The following DYSF variants were observed in gnomAD, a reference collection of about 807,000 sequenced individuals.
The protein encoded by DYSF is dystrophy-associated fer-1-like 1.
DYSF carries 212 observed loss-of-function variants against 274.9 expected under a neutral mutation model. The observed-to-expected ratio is 0.77, with a 90% CI of 0.69 to 0.86. DYSF has a LOEUF of 0.86. Among genes scored for constraint, DYSF ranks in the 40% least tolerant of loss-of-function variants. The probability of loss-of-function intolerance (pLI) is 0.00; values close to 1 mark genes in which losing one functional copy is unlikely to be tolerated. For synonymous variants in DYSF, 1,091 were observed against 1,078.7 expected, an observed-to-expected ratio of 1.01 and a Z score of -0.22; for missense variants, 2,666 against 2,783.2, an observed-to-expected ratio of 0.96 and a Z score of 0.95.
At chr2:71,622,140 T>TTTTTTTTTTTTTTTTTTTTTTTC (rs2094121724) in intron 41 of DYSF, among the ~76,000 whole-genome samples, 1 of 148,788 alleles carries the variant, frequency 6.7e-6, no homozygotes, top group Non-Finnish European at 1.5e-5. Flanking sequence ...GTTTTTTTTT[T>TTTTTTTTTTTTTTTTTTTTTTTC]TTTTTTGTTA....
intron 50 of DYSF, 79 bp from the exon 51 acceptor site, chr2:71,669,526 T>C: frequency 6.4e-7 from 1 of 1,572,574 alleles, no homozygotes; most frequent in African/African-American, 1.3e-5. Context: ...TCTTAACTCC[T>C]TGTCTGCCTA....
chr2:71,623,768 T>C (rs545725173), intron 41 of DYSF, among the ~76,000 whole-genome samples: 16 of 152,080 alleles, frequency 1.1e-4, no homozygotes, highest in Admixed American at 2.0e-4. Context: ...TATTCATCAC[T>C]TAAAAAAAAA....
chr2:71,508,781 T>G (rs1322481007), intron 4 of DYSF, among the ~76,000 whole-genome samples: 2 of 152,220 alleles, frequency 1.3e-5, no homozygotes, highest in Non-Finnish European at 2.9e-5. Context: ...ATGTCAGAAT[T>G]TTGTGACTTT....
rs549987810 is a variant in DYSF at position 71,618,855 on chromosome 2, G to T, written c.4465-1692G>T. On this transcript the variant is annotated intron_variant, in intron 40 of 55. Transcript: ENST00000410020. ...AGTGTGCAGGAGGCCTCGGGAGACT[G>T]TTTCCTCACTCTGTCGGGTGGGTGC... is the stretch of plus-strand genomic sequence containing the variant. Among the ~76,000 whole-genome samples, 317 of 151,998 alleles carry T rather than the reference G, an allele frequency of 2.1e-3. 1 individual carries two copies. The highest frequency in any genetic ancestry group is 3.4e-3 in the Non-Finnish European group (231 of 67,928).
chr2:71,553,724 C>A, intron 20 of DYSF, 83 bp from the exon 21 acceptor site: 1 of 1,157,008 alleles, frequency 8.6e-7, no homozygotes, highest in South Asian at 1.3e-5. Context: ...CCCTGGAGTG[C>A]CCAGGAGGCT....
intron 17 of DYSF, among the ~76,000 whole-genome samples, chr2:71,547,192 G>A (rs574401487): frequency 4.0e-4 from 61 of 152,352 alleles, no homozygotes; most frequent in African/African-American, 1.4e-3. Flanking sequence ...GCAGACACAG[G>A]GGCGAGAGCC....
At chr2:71,513,191 C>A in intron 5 of DYSF, 49 bp from the exon 6 acceptor site, 1 of 1,536,776 alleles carries the variant, frequency 6.5e-7, no homozygotes, top group Non-Finnish European at 8.8e-7. Context: ...TTTCCTTCAC[C>A]CCAACCTCCT....
At chr2:71,544,691 C>T (rs536915053) in intron 17 of DYSF, among the ~76,000 whole-genome samples, 1 of 152,088 alleles carries the variant, frequency 6.6e-6, no homozygotes, top group African/African-American at 2.4e-5. Flanking sequence ...GAACTCCTGA[C>T]CTGAGGTGAT....
At chr2:71,517,250 T>A (rs2086757601) in intron 10 of DYSF, among the ~76,000 whole-genome samples, 1 of 152,196 alleles carries the variant, frequency 6.6e-6, no homozygotes, top group Non-Finnish European at 1.5e-5. Context: ...AAGCACTTTT[T>A]GTCACTGAAG....
intron 16 of DYSF, among the ~76,000 whole-genome samples, chr2:71,537,227 T>TG (rs56733902): frequency 5.5e-4 from 69 of 125,714 alleles, no homozygotes; most frequent in Middle Eastern, 7.6e-3. Flanking sequence ...AGTTTTGTTT[T>TG]TTTTTTTTTT....
chr2:71,519,176 C>T (rs1175272164), intron 10 of DYSF, among the ~76,000 whole-genome samples: 4 of 146,918 alleles, frequency 2.7e-5, no homozygotes, highest in South Asian at 2.2e-4. Context: ...TTTGTCTTTG[C>T]GCTGTCTTCT....
Position 71,659,012 on chromosome 2 carries a change from G to A in DYSF, c.4890G>A (p.Gln1630=). 6.2e-7 allele frequency: 1 copy of A among 1,614,202 alleles called. No individual in the cohort carries two copies. The highest frequency in any genetic ancestry group is 8.5e-7 in the Non-Finnish European group (1 of 1,180,042). ...RIYIVRAFGL[Q]PKDPNGKCDP... is the part of the protein sequence containing the mutation. ...ACATTGTCCGAGCATTTGGCCTGCA[G>A]CCCAAGGACCCCAATGGAAAGGTAA... The change falls in exon 44 of 56, where the codon CAG becomes CAA. Residue 1630 remains glutamine, a synonymous_variant. Transcript: ENST00000410020.
rs554192691 is a variant in DYSF, at chr2:71,520,761, G to T, written c.1034-28G>T. ...ACAGCCTGGGGTCTTCTGATTCTGG[G>T]ATCACCAGAGGATGTTGTCTCTCTT... On this transcript the variant is annotated intron_variant, in intron 11 of 55. Coordinates refer to ENST00000410020, the MANE Select transcript of DYSF (RefSeq NM_001130987.2). The T allele has an allele frequency of 1.4e-4, 223 of 1,606,004 alleles. 1 individual carries two copies. The South Asian group carries it at 2.2e-3, about 16-fold the overall frequency.
intron 30 of DYSF, among the ~76,000 whole-genome samples, chr2:71,576,076 C>T (rs562786978): frequency 5.9e-5 from 9 of 152,352 alleles, no homozygotes; most frequent in South Asian, 2.1e-4. Flanking sequence ...GTGAAGTCTT[C>T]GGCATGACTG....
chr2:71,501,216 T>G (rs1198903723), intron 3 of DYSF, among the ~76,000 whole-genome samples: 2 of 152,098 alleles, frequency 1.3e-5, no homozygotes, highest in South Asian at 4.1e-4. Flanking sequence ...TGAATATTAG[T>G]GAATATCTCT....
chr2:71,560,833 T>TA (rs1196356626), intron 22 of DYSF, among the ~76,000 whole-genome samples: 2 of 151,802 alleles, frequency 1.3e-5, no homozygotes, highest in Non-Finnish European at 2.9e-5. Flanking sequence ...CGGGTTTGAC[T>TA]AATGTCCTGT....
Position 71,664,257 on chromosome 2 carries a change from C to A in DYSF, c.5004-11C>A, listed in dbSNP as rs2094956070. On this transcript the variant is annotated splice_polypyrimidine_tract_variant and intron_variant, in intron 45 of 55. Coordinates refer to ENST00000410020, the MANE Select transcript of DYSF (RefSeq NM_001130987.2). Reference sequence around the variant, plus strand: ...GTGTTGGCTGACATCGGGAATCTGCCCCTCCTGCAGGATGTTCGAGCTGAC... The same window carrying A: ...GTGTTGGCTGACATCGGGAATCTGCACCTCCTGCAGGATGTTCGAGCTGAC... The A allele has an allele frequency of 6.2e-7, 1 of 1,613,892 alleles. No homozygotes were observed. Among genetic ancestry groups the A allele is most frequent in the Non-Finnish European group, 8.5e-7 (1 of 1,179,908 alleles).
chr2:71,571,394 A>C (rs1295202071), intron 29 of DYSF, among the ~76,000 whole-genome samples: 1 of 142,756 alleles, frequency 7.0e-6, no homozygotes, highest in Non-Finnish European at 1.5e-5. Flanking sequence ...GTCAGCACAC[A>C]CAGATCACAC....
At chr2:71,479,046 CGA>C (rs371053360) in intron 1 of DYSF, among the ~76,000 whole-genome samples, 330 of 151,936 alleles carry the variant, frequency 2.2e-3, no homozygotes, top group Middle Eastern at 6.8e-3. Flanking sequence ...GCCAGAGGCT[CGA>C]GGGACTTTCG....
Sources: gnomAD v4.1 joint callset for allele counts (sites outside exome capture counted in the v4.1 genomes callset) on GRCh38, gnomAD v4.1.1 for gene constraint, MANE v1.5 for transcripts, NCBI Gene and HGNC (gene_info 2026-07-23, HGNC 2026-07-21) for gene names.